Variants in GRIK3 observed in about 807,000 individuals in gnomAD.
The protein encoded by GRIK3 is glutamate receptor ionotropic, kainate 3.
In GRIK3, 29 loss-of-function variants were observed where a neutral mutation model predicts 102.5. The ratio of observed to expected loss-of-function variants is 0.28; its 90% CI spans 0.21 to 0.39. GRIK3 has a LOEUF of 0.39. GRIK3 is among the 10% of genes least tolerant of loss of function. GRIK3 has a pLI of 1.00. For missense variants in GRIK3, 908 were observed against 1,252.4 expected, an observed-to-expected ratio of 0.73 and a Z score of 4.15; for synonymous variants, 511 against 504.9, an observed-to-expected ratio of 1.01 and a Z score of -0.16.
intron 1 of GRIK3, among the ~76,000 whole-genome samples, chr1:36,985,327 T>C (rs1642292720): frequency 6.6e-6 from 1 of 152,080 alleles, no homozygotes; most frequent in Non-Finnish European, 1.5e-5. Flanking sequence ...AACAAAGCTG[T>C]CCAAAGTGCT....
intron 1 of GRIK3, among the ~76,000 whole-genome samples, chr1:37,005,037 AG>A (rs1165776414): frequency 6.6e-6 from 1 of 152,150 alleles, no homozygotes; most frequent in Non-Finnish European, 1.5e-5. Context: ...CCTATCTAAC[AG>A]CCTCTTCCCT....
At chr1:36,929,045 G>T (rs1641560238) in intron 1 of GRIK3, among the ~76,000 whole-genome samples, 1 of 152,166 alleles carries the variant, frequency 6.6e-6, no homozygotes, top group Non-Finnish European at 1.5e-5. Context: ...TATGGGATAG[G>T]TACAGTTATT....
chr1:36,881,847 T>G (rs1224888135), intron 2 of GRIK3, among the ~76,000 whole-genome samples: 1 of 152,070 alleles, frequency 6.6e-6, no homozygotes, highest in African/African-American at 2.4e-5. Context: ...TTTTCTGACT[T>G]CGTCTCCCAT....
intron 1 of GRIK3, among the ~76,000 whole-genome samples, chr1:36,994,097 GGCT>G (rs1642390477): frequency 6.6e-6 from 1 of 152,192 alleles, no homozygotes; most frequent in African/African-American, 2.4e-5. Context: ...TGGCCCAATG[GGCT>G]GCTATGATGA....
At chr1:37,001,785 A>G (rs1320886134) in intron 1 of GRIK3, among the ~76,000 whole-genome samples, 1 of 152,220 alleles carries the variant, frequency 6.6e-6, no homozygotes, top group Non-Finnish European at 1.5e-5. Flanking sequence ...ATACACAGGT[A>G]GGGGAGAAGG....
intron 1 of GRIK3, among the ~76,000 whole-genome samples, chr1:36,995,915 TC>T (rs1642414794): frequency 6.6e-6 from 1 of 152,204 alleles, no homozygotes; most frequent in Non-Finnish European, 1.5e-5. Context: ...CAGAATTAGA[TC>T]CTAAGTAGCT....
At chr1:36,890,418 C>G (rs376492953) in intron 2 of GRIK3, among the ~76,000 whole-genome samples, 1 of 151,570 alleles carries the variant, frequency 6.6e-6, no homozygotes, top group African/African-American at 2.4e-5. Context: ...GAGCAGAGAT[C>G]GCACCACTGT....
Position 36,805,370 on chromosome 1 carries a change from T to C in GRIK3, c.2315-133A>G, listed in dbSNP as rs190491638. The C allele has an allele frequency of 6.0e-6, 5 of 828,396 alleles. No individual in the cohort carries two copies. The East Asian group carries it at 1.3e-4, about 22-fold the overall frequency. The allele number at this position is 828,396 out of a possible 1,614,324, so 51.3% of individuals were successfully genotyped here. ...TCATGAAAGGGGGTCCCTATCCCTG[T>C]GAGTCCCCTTTAAATCGACGCATGG... On this transcript the variant is annotated intron_variant, in intron 14 of 15. Transcript: ENST00000373091.
At chr1:36,924,282 G>A (rs1439405976) in intron 1 of GRIK3, among the ~76,000 whole-genome samples, 2 of 152,158 alleles carry the variant, frequency 1.3e-5, no homozygotes, top group South Asian at 2.1e-4. Context: ...GCAGAGCCCT[G>A]GAGTGGCTGG....
chr1:37,007,677 C>T (rs973890608), intron 1 of GRIK3, among the ~76,000 whole-genome samples: 2 of 152,312 alleles, frequency 1.3e-5, no homozygotes, highest in South Asian at 2.1e-4. Context: ...ACTTTTGAGG[C>T]GTTTTCCCAG....
At chr1:36,848,159 G>A (rs1640540957) in intron 9 of GRIK3, among the ~76,000 whole-genome samples, 1 of 152,190 alleles carries the variant, frequency 6.6e-6, no homozygotes, top group South Asian at 2.1e-4. Context: ...CTGCAGAAGG[G>A]TTTTATGCCC....
chr1:36,920,133 C>T (rs532125019), intron 1 of GRIK3, among the ~76,000 whole-genome samples: 51 of 152,300 alleles, frequency 3.3e-4, no homozygotes, highest in Middle Eastern at 3.4e-3. Flanking sequence ...AGCTGGTCGG[C>T]CTTGGTTCTG....
chr1:36,897,025 G>T (rs1209659646), intron 1 of GRIK3, among the ~76,000 whole-genome samples: 1 of 152,100 alleles, frequency 6.6e-6, no homozygotes, highest in Non-Finnish European at 1.5e-5. Context: ...TTTATGAATA[G>T]CCCACAGCAA....
chr1:36,976,927 T>C (rs1642202250), intron 1 of GRIK3, among the ~76,000 whole-genome samples: 1 of 152,160 alleles, frequency 6.6e-6, no homozygotes, highest in Non-Finnish European at 1.5e-5. Flanking sequence ...AGTCCCTCAT[T>C]TCTCTGTCCT....
At chr1:36,925,876 T>C (rs1176330291) in intron 1 of GRIK3, among the ~76,000 whole-genome samples, 1 of 152,228 alleles carries the variant, frequency 6.6e-6, no homozygotes, top group African/African-American at 2.4e-5. Context: ...CCTGGTCCAC[T>C]TGGGGACCTG....
intron 1 of GRIK3, among the ~76,000 whole-genome samples, chr1:36,904,740 A>G (rs1049344650): frequency 6.6e-6 from 1 of 152,210 alleles, no homozygotes; most frequent in African/African-American, 2.4e-5. Flanking sequence ...AAATGTGGGA[A>G]GAATTTTACT....
chr1:37,024,742 CAAAAAAA>C (rs11314211), intron 1 of GRIK3, among the ~76,000 whole-genome samples: 87 of 71,038 alleles, frequency 1.2e-3, no homozygotes, highest in African/African-American at 4.0e-3. Context: ...GACTCCATCT[CAAAAAAA>C]AAAAAAAAAA....
intron 1 of GRIK3, among the ~76,000 whole-genome samples, chr1:36,973,865 AT>A (rs1642169114): frequency 6.6e-6 from 1 of 152,182 alleles, no homozygotes; most frequent in African/African-American, 2.4e-5. Context: ...AAGAGCTGTC[AT>A]GGACAGTACC....
intron 10 of GRIK3, among the ~76,000 whole-genome samples, chr1:36,826,794 A>G (rs1226742121): frequency 6.6e-6 from 1 of 152,200 alleles, no homozygotes; most frequent in Middle Eastern, 3.2e-3. Flanking sequence ...TGCTGTGTTA[A>G]TAAATTTTAG....
Sources: gnomAD v4.1 joint callset for allele counts (sites outside exome capture counted in the v4.1 genomes callset) on GRCh38, gnomAD v4.1.1 for gene constraint, MANE v1.5 for transcripts, NCBI Gene and HGNC (gene_info 2026-07-23, HGNC 2026-07-21) for gene names.